Variants in DACH2 observed in about 807,000 individuals in gnomAD.
DACH2 encodes dachshund family transcription factor 2.
In DACH2, 17 loss-of-function variants were observed where a neutral mutation model predicts 35.8. That is an observed-to-expected ratio of 0.48 (90% CI 0.33 to 0.71). The LOEUF (loss-of-function observed/expected upper bound fraction) is 0.71. Among genes scored for constraint, DACH2 ranks in the 30% least tolerant of loss-of-function variants. The pLI is 0.02. For missense variants in DACH2, 469 were observed against 472.7 expected (o/e 0.99, Z 0.07); for synonymous variants, 195 against 177.3 (o/e 1.10, Z -0.79).
At chrX:86,416,749 G>A (rs954922517) in intron 2 of DACH2, among the ~76,000 whole-genome samples, 3 of 110,667 alleles carry the variant, frequency 2.7e-5, no homozygotes, top group African/African-American at 9.9e-5. Flanking sequence ...ACATCACATG[G>A]CAAGAGAGGG....
intron 3 of DACH2, among the ~76,000 whole-genome samples, chrX:86,637,632 G>T (rs1417782481): frequency 3.6e-5 from 4 of 111,549 alleles, no homozygotes; most frequent in Non-Finnish European, 7.5e-5. Context: ...GAGCAGAAAA[G>T]CAAATACCAC....
intron 3 of DACH2, among the ~76,000 whole-genome samples, chrX:86,589,232 T>G (rs1394733039): frequency 3.6e-5 from 4 of 111,419 alleles, no homozygotes; most frequent in African/African-American, 1.3e-4. Context: ...AGAACCAACT[T>G]TTGGTTTTTT....
chrX:86,731,842 T>C (rs1448213242), intron 6 of DACH2, among the ~76,000 whole-genome samples: 2 of 112,079 alleles, frequency 1.8e-5, no homozygotes, highest in Non-Finnish European at 3.8e-5. Context: ...AAAATATTTA[T>C]GGCTTACATA....
chrX:86,279,297 G>A (rs1026399495), intron 1 of DACH2, among the ~76,000 whole-genome samples: 5 of 111,906 alleles, frequency 4.5e-5, no homozygotes, highest in African/African-American at 1.6e-4. Flanking sequence ...GGAGAGCTCT[G>A]GCTGGCATCT....
At chrX:86,296,375 C>T (rs1284412050) in intron 1 of DACH2, among the ~76,000 whole-genome samples, 15 of 53,969 alleles carry the variant, frequency 2.8e-4, no homozygotes, top group African/African-American at 1.2e-3. Context: ...AGCGAGACTC[C>T]ATCTCAAAAA....
chrX:86,594,264 G>T (rs904958892), intron 3 of DACH2, among the ~76,000 whole-genome samples: 1 of 110,894 alleles, frequency 9.0e-6, no homozygotes, highest in African/African-American at 3.3e-5. Flanking sequence ...TTGTTTAGAG[G>T]TTTACTGGTT....
chrX:86,333,629 C>T (rs2035250269), intron 1 of DACH2, among the ~76,000 whole-genome samples: 1 of 111,357 alleles, frequency 9.0e-6, no homozygotes, highest in African/African-American at 3.3e-5. Flanking sequence ...ACTCTTTTCC[C>T]CATACTGATT....
intron 2 of DACH2, among the ~76,000 whole-genome samples, chrX:86,400,409 C>T (rs1382227573): frequency 1.8e-5 from 2 of 111,748 alleles, no homozygotes; most frequent in African/African-American, 3.3e-5. Flanking sequence ...CAGCTTTATT[C>T]CATTGCTAGT....
chrX:86,536,497 A>G (rs920689737), intron 3 of DACH2, among the ~76,000 whole-genome samples: 1 of 112,113 alleles, frequency 8.9e-6, no homozygotes, highest in Non-Finnish European at 1.9e-5. Flanking sequence ...GACATCCACC[A>G]TCTATTTTCT....
chrX:86,206,365 T>C (rs1444673380), intron 1 of DACH2, among the ~76,000 whole-genome samples: 2 of 111,949 alleles, frequency 1.8e-5, no homozygotes, highest in Non-Finnish European at 3.8e-5. Context: ...AGAATGCGCT[T>C]CCCTGAGAAT....
intron 1 of DACH2, among the ~76,000 whole-genome samples, chrX:86,287,774 A>G (rs1005787287): frequency 8.9e-6 from 1 of 111,857 alleles, no homozygotes; most frequent in Non-Finnish European, 1.9e-5. Context: ...ATCTGATAGA[A>G]TTCTGAATTC....
chrX:86,538,213 T>C (rs1270710147), intron 3 of DACH2, among the ~76,000 whole-genome samples: 13 of 111,636 alleles, frequency 1.2e-4, no homozygotes, highest in Admixed American at 8.6e-4. Flanking sequence ...CAGAATGTTC[T>C]TTACTATCCA....
rs1556364144 is a variant in DACH2 at position 86,667,545 on chromosome X, G to GAAAGA, written c.772+16380_772+16381insAGAAA. Among the ~76,000 whole-genome samples, 7 of 31,360 alleles carry GAAAGA rather than the reference G, an allele frequency of 2.2e-4. No individual in the cohort carries two copies. In the South Asian group the frequency reaches 5.5e-3, roughly 25 times the overall value. The allele number at this position is 31,360 out of a possible 115,157, so 27.2% of individuals were successfully genotyped here. A position where few individuals can be genotyped will look rare whatever the true frequency, so the allele number is the denominator to read the frequency against. ...AGAAAGAAAGAAAGAAAGAAAGAAA[G>GAAAGA]AAGAAAGAAAGAAAGAAAGAAAGAA... On this transcript the variant is annotated intron_variant, in intron 4 of 11. Coordinates refer to ENST00000373125, the MANE Select transcript of DACH2 (RefSeq NM_053281.3).
chrX:86,789,076 A>G (rs1357880645), intron 7 of DACH2, among the ~76,000 whole-genome samples: 1 of 111,989 alleles, frequency 8.9e-6, no homozygotes, highest in East Asian at 2.8e-4. Flanking sequence ...TTCTCAATTT[A>G]TATTACTCTA....
At position 86,624,064 on chromosome X, in the gene DACH2, A is replaced by AC. The variant is rs1334512367; in HGVS notation, c.641-26972_641-26971insC. Among the ~76,000 whole-genome samples, 124 of 104,364 alleles carry AC rather than the reference A, an allele frequency of 1.2e-3. 1 individual carries two copies. Among genetic ancestry groups the AC allele is most frequent in the African/African-American group, 4.1e-3 (116 of 28,364 alleles). The allele number at this position is 104,364 out of a possible 115,157, so 90.6% of individuals were successfully genotyped here. On this transcript the variant is annotated intron_variant, in intron 3 of 11. Coordinates refer to ENST00000373125, the MANE Select transcript of DACH2 (RefSeq NM_053281.3). ...CTCCGTCTCAAAAAAACAAAACAAA[A>AC]AAAAAAAAAAAAAAAAAAGTGGCTG...
At chrX:86,176,715 C>T (rs1026732638) in intron 1 of DACH2, among the ~76,000 whole-genome samples, 3 of 111,911 alleles carry the variant, frequency 2.7e-5, no homozygotes, top group African/African-American at 9.7e-5. Context: ...TGCTAATAAT[C>T]TCTGATTTGT....
intron 1 of DACH2, among the ~76,000 whole-genome samples, chrX:86,337,148 ACT>A (rs1394954092): frequency 9.0e-6 from 1 of 111,041 alleles, no homozygotes; most frequent in African/African-American, 3.3e-5. Context: ...GTTGGAAAAG[ACT>A]CTTCAGGATA....
At chrX:86,584,848 T>A (rs933393438) in intron 3 of DACH2, among the ~76,000 whole-genome samples, 1 of 111,320 alleles carries the variant, frequency 9.0e-6, no homozygotes, top group African/African-American at 3.3e-5. Flanking sequence ...ATTGTTCCCA[T>A]CCTTATGTCC....
intron 7 of DACH2, among the ~76,000 whole-genome samples, chrX:86,807,877 C>T (rs1442324710): frequency 1.8e-5 from 2 of 112,115 alleles, no homozygotes; most frequent in African/African-American, 6.5e-5. Context: ...GCAATCCTAG[C>T]TTTAAGGAAA....
Sources: allele counts gnomAD v4.1 joint callset (sites outside exome capture counted in the v4.1 genomes callset), GRCh38; gene constraint gnomAD v4.1.1; transcripts MANE v1.5; gene names NCBI Gene and HGNC (gene_info 2026-07-23, HGNC 2026-07-21).